Variants in ZNG1E observed in about 807,000 individuals in gnomAD.
ZNG1E encodes the protein Zn regulated GTPase metalloprotein activator 1E.
the ZNG1E span, among the ~76,000 whole-genome samples, chr9:65,660,582 G>A: frequency 6.6e-6 from 1 of 152,074 alleles, no homozygotes; most frequent in African/African-American, 2.4e-5. Context: ...TTTAACATTA[G>A]TGAGCTTTAC....
the ZNG1E span, among the ~76,000 whole-genome samples, chr9:65,710,592 A>C: frequency 6.6e-6 from 1 of 152,068 alleles, no homozygotes; most frequent in African/African-American, 2.4e-5. Flanking sequence ...GTTTTCCCAG[A>C]ACCATTTATT....
At chr9:65,663,945 A>C in the ZNG1E span, among the ~76,000 whole-genome samples, 1 of 152,240 alleles carries the variant, frequency 6.6e-6, no homozygotes, top group Non-Finnish European at 1.5e-5. Flanking sequence ...TTGCTTCCAC[A>C]TACATATATC....
chr9:65,656,711 T>C, the ZNG1E span, among the ~76,000 whole-genome samples: 9 of 152,254 alleles, frequency 5.9e-5, no homozygotes, highest in Non-Finnish European at 1.3e-4. Context: ...GTAATATAAA[T>C]GAAGGGGTAG....
At chr9:65,703,929 A>T in the ZNG1E span, 4 of 896,464 alleles carry the variant, frequency 4.5e-6, no homozygotes, top group East Asian at 1.3e-4. Flanking sequence ...CTTTAGTGTA[A>T]GTCCTCTACA....
At chr9:65,698,763 C>A in the ZNG1E span, among the ~76,000 whole-genome samples, 1 of 125,294 alleles carries the variant, frequency 8.0e-6, no homozygotes, top group Middle Eastern at 3.7e-3. Context: ...TTTGTCGTAG[C>A]ATAAAGTGAA....
At chr9:65,693,487 A>G in the ZNG1E span, 1 of 1,281,252 alleles carries the variant, frequency 7.8e-7, no homozygotes, top group East Asian at 5.6e-5. Flanking sequence ...AGTTCTTAGA[A>G]GTTTAAATTC....
the ZNG1E span, among the ~76,000 whole-genome samples, chr9:65,684,473 G>T: frequency 6.6e-6 from 1 of 152,236 alleles, no homozygotes; most frequent in Non-Finnish European, 1.5e-5. Flanking sequence ...GGAGGCGGAG[G>T]TTGCGGTGAG....
the ZNG1E span, among the ~76,000 whole-genome samples, chr9:65,714,429 G>A: frequency 4.2e-5 from 5 of 119,576 alleles, no homozygotes; most frequent in East Asian, 2.2e-4. Flanking sequence ...GAGGAGAGGC[G>A]CTGCGTTCCT....
At chr9:65,663,174 A>G in the ZNG1E span, among the ~76,000 whole-genome samples, 4 of 152,394 alleles carry the variant, frequency 2.6e-5, no homozygotes, top group African/African-American at 7.2e-5. Flanking sequence ...AGGAAGAACA[A>G]GTAGCTCCTC....
the ZNG1E span, among the ~76,000 whole-genome samples, chr9:65,656,691 A>G: frequency 6.6e-6 from 1 of 152,294 alleles, no homozygotes; most frequent in Non-Finnish European, 1.5e-5. Flanking sequence ...ACATTTGGGG[A>G]TGGAGTTCAG....
chr9:65,727,574 G>A, the ZNG1E span, among the ~76,000 whole-genome samples: 2,057 of 132,068 alleles, frequency 0.016, 127 homozygotes, highest in Non-Finnish European at 0.023. Context: ...TCATGCAAAC[G>A]GACACCAAAT....
At chr9:65,717,631 A>G in the ZNG1E span, among the ~76,000 whole-genome samples, 1 of 149,568 alleles carries the variant, frequency 6.7e-6, no homozygotes, top group Admixed American at 6.6e-5. Flanking sequence ...TGATACATTT[A>G]AATGTGTTTA....
the ZNG1E span, among the ~76,000 whole-genome samples, chr9:65,709,989 AT>A: frequency 6.7e-6 from 1 of 149,248 alleles, no homozygotes; most frequent in African/African-American, 2.5e-5. Context: ...AAGTGTTCCT[AT>A]TTCTCCACAT....
the ZNG1E span, among the ~76,000 whole-genome samples, chr9:65,658,633 G>A: frequency 2.0e-5 from 3 of 150,054 alleles, no homozygotes; most frequent in African/African-American, 7.3e-5. Flanking sequence ...CATTATTTGT[G>A]CGATTTTAAA....
chr9:65,669,629 T>A, the ZNG1E span, among the ~76,000 whole-genome samples: 3 of 147,638 alleles, frequency 2.0e-5, no homozygotes, highest in Admixed American at 6.8e-5. Flanking sequence ...TGTTTTCTTT[T>A]TTTTTTAAAT....
At chr9:65,662,350 A>C in the ZNG1E span, among the ~76,000 whole-genome samples, 2 of 152,256 alleles carry the variant, frequency 1.3e-5, no homozygotes, top group Non-Finnish European at 2.9e-5. Context: ...ATTCTGGATT[A>C]GGTCTTGGCC....
the ZNG1E span, among the ~76,000 whole-genome samples, chr9:65,659,314 G>A: frequency 2.0e-5 from 3 of 148,218 alleles, no homozygotes; most frequent in East Asian, 3.9e-4. Context: ...GACCAACATG[G>A]TGAAACGCTG....
chr9:65,702,306 A>G, the ZNG1E span, among the ~76,000 whole-genome samples: 4 of 151,928 alleles, frequency 2.6e-5, no homozygotes, highest in Admixed American at 6.6e-5. Context: ...ATGATAGGCA[A>G]TGGAAAAGAT....
the ZNG1E span, among the ~76,000 whole-genome samples, chr9:65,728,889 C>T: frequency 6.7e-6 from 1 of 149,738 alleles, no homozygotes; most frequent in African/African-American, 2.5e-5. Flanking sequence ...ATACCAAAAC[C>T]AGGAAAGGAC....
Sources: gnomAD v4.1 joint callset for allele counts (sites outside exome capture counted in the v4.1 genomes callset) on GRCh38, gnomAD v4.1.1 for gene constraint, MANE v1.5 for transcripts, NCBI Gene and HGNC (gene_info 2026-07-23, HGNC 2026-07-21) for gene names.